MGAT4C: variants seen among roughly 807,000 people sequenced by gnomAD.
The protein encoded by MGAT4C is MGAT4 family member C.
MGAT4C carries 19 observed loss-of-function variants against 40.1 expected under a neutral mutation model. The ratio of observed to expected loss-of-function variants is 0.47; its 90% CI spans 0.33 to 0.70. MGAT4C has a LOEUF of 0.70. Among genes scored for constraint, MGAT4C ranks in the 30% least tolerant of loss-of-function variants. MGAT4C has a pLI of 0.02. For synonymous variants in MGAT4C, 181 were observed against 187.1 expected (o/e 0.97, Z 0.27); for missense variants, 491 against 563.2 (o/e 0.87, Z 1.30).
chr12:86,460,832 A>T (rs1027020263), intron 2 of MGAT4C, among the ~76,000 whole-genome samples: 10 of 152,210 alleles, frequency 6.6e-5, no homozygotes, highest in African/African-American at 2.4e-4. Context: ...CATTTAAAAA[A>T]ATTAATACTA....
At chr12:86,160,218 G>T (rs959585203) in intron 1 of MGAT4C, among the ~76,000 whole-genome samples, 1 of 151,756 alleles carries the variant, frequency 6.6e-6, no homozygotes, top group African/African-American at 2.4e-5. Flanking sequence ...GCATCCAAGA[G>T]ATTTTGGTGA....
chr12:86,042,710 T>C (rs1891980059), intron 2 of MGAT4C, among the ~76,000 whole-genome samples: 2 of 151,100 alleles, frequency 1.3e-5, no homozygotes, highest in South Asian at 2.1e-4. Flanking sequence ...CTAAAAAAAA[T>C]ACAAAAAATT....
intron 1 of MGAT4C, among the ~76,000 whole-genome samples, chr12:86,121,612 A>T (rs190029249): frequency 3.9e-5 from 6 of 152,316 alleles, no homozygotes; most frequent in Middle Eastern, 6.8e-3. Flanking sequence ...AAAGAATAGA[A>T]TTTTCAACCC....
intron 4 of MGAT4C, among the ~76,000 whole-genome samples, chr12:86,331,224 C>G (rs368029378): frequency 6.6e-6 from 1 of 152,160 alleles, no homozygotes; most frequent in African/African-American, 2.4e-5. Flanking sequence ...TGTACATTGG[C>G]ATGCTTCCAA....
intron 3 of MGAT4C, among the ~76,000 whole-genome samples, chr12:86,426,902 A>C (rs1349938062): frequency 6.6e-6 from 1 of 151,994 alleles, no homozygotes; most frequent in Non-Finnish European, 1.5e-5. Flanking sequence ...AGCTGAGATC[A>C]TGCCACTGCA....
intron 2 of MGAT4C, among the ~76,000 whole-genome samples, chr12:86,489,465 G>A (rs1460961068): frequency 6.6e-6 from 1 of 152,158 alleles, no homozygotes; most frequent in East Asian, 1.9e-4. Flanking sequence ...TCCTCTTGCT[G>A]CCAGAGGGCA....
intron 4 of MGAT4C, among the ~76,000 whole-genome samples, chr12:86,305,452 A>T (rs1953911951): frequency 6.7e-6 from 1 of 150,166 alleles, no homozygotes; most frequent in East Asian, 1.9e-4. Flanking sequence ...AGAAAAAAAA[A>T]AAAAAAGAAA....
intron 2 of MGAT4C, among the ~76,000 whole-genome samples, chr12:86,605,751 A>G (rs1962020047): frequency 6.6e-6 from 1 of 152,156 alleles, no homozygotes. Context: ...AAGCACTGGT[A>G]TTAACATAGA....
chr12:86,230,330 A>C (rs2136012601), intron 1 of MGAT4C, among the ~76,000 whole-genome samples: 1 of 152,158 alleles, frequency 6.6e-6, no homozygotes, highest in African/African-American at 2.4e-5. Flanking sequence ...AAAAATATTA[A>C]TGAACAGCCC....
At chr12:86,635,973 T>C (rs1414975250) in intron 2 of MGAT4C, among the ~76,000 whole-genome samples, 2 of 151,924 alleles carry the variant, frequency 1.3e-5, no homozygotes, top group East Asian at 3.9e-4. Context: ...TGAGCCACCA[T>C]ACCCTGTTCC....
At chr12:86,739,750 G>C (rs1951038428) in intron 1 of MGAT4C, among the ~76,000 whole-genome samples, 2 of 150,838 alleles carry the variant, frequency 1.3e-5, no homozygotes, top group Admixed American at 1.3e-4. Context: ...TATGGATTTT[G>C]TTATCTGCCT....
intron 1 of MGAT4C, among the ~76,000 whole-genome samples, chr12:86,744,659 T>A (rs1201474355): frequency 1.3e-5 from 2 of 151,580 alleles, no homozygotes; most frequent in Admixed American, 6.6e-5. Flanking sequence ...TATTCACTAT[T>A]TCAAGGTGCT....
rs901805761 is a variant in MGAT4C at position 85,996,515 on chromosome 12, C to T, written c.-6-6963G>A. 1.3e-4 allele frequency among the ~76,000 whole-genome samples: 20 copies of T among 152,062 alleles called. No homozygotes were observed. The South Asian group carries it at 1.5e-3, about 11-fold the overall frequency. ...GCATTAAATTTCAGAGTGTTTTCTT[C>T]GGCAACAATAGACAACTGATATAGC... On this transcript the variant is annotated intron_variant, in intron 2 of 4. Coordinates refer to ENST00000611864, the MANE Select transcript of MGAT4C (RefSeq NM_001351288.2).
chr12:86,037,596 A>G (rs6539937), intron 2 of MGAT4C, among the ~76,000 whole-genome samples: 58,946 of 149,180 alleles, frequency 0.4, 14,503 homozygotes, highest in African/African-American at 0.5. Context: ...GTAGTTGTGC[A>G]GTTTTGAGTG....
At chr12:86,811,336 ATTTT>A (rs553885593) in intron 1 of MGAT4C, among the ~76,000 whole-genome samples, 320 of 106,934 alleles carry the variant, frequency 3.0e-3, no homozygotes, top group African/African-American at 8.2e-3. Context: ...CACTCATAGT[ATTTT>A]TTTTTTTTTT....
intron 2 of MGAT4C, among the ~76,000 whole-genome samples, chr12:86,607,645 T>C (rs1962089122): frequency 6.6e-6 from 1 of 152,306 alleles, no homozygotes; most frequent in East Asian, 1.9e-4. Context: ...CTATACTCTC[T>C]GTTACACAAA....
At chr12:86,227,079 T>C (rs1951118000) in intron 1 of MGAT4C, among the ~76,000 whole-genome samples, 1 of 151,860 alleles carries the variant, frequency 6.6e-6, no homozygotes, top group Non-Finnish European at 1.5e-5. Context: ...TATCCAGGGG[T>C]CTTTAAAAAT....
rs112260223 is a variant in MGAT4C at position 86,837,942 on chromosome 12, A to G, written c.-262+724T>C. 6.9e-3 allele frequency among the ~76,000 whole-genome samples: 1,051 copies of G among 152,258 alleles called. 7 individuals are homozygous for G. Among genetic ancestry groups the G allele is most frequent in the Non-Finnish European group, 0.012 (823 of 68,016 alleles). On this transcript the variant is annotated intron_variant, in intron 1 of 7. Transcript: ENST00000548651. ...TTTTATCGGTTCTGTTGATATTCAG[A>G]AGTTTTTCAGTTTTTAGCATTTTGC... is the stretch of plus-strand genomic sequence containing the variant.
intron 2 of MGAT4C, among the ~76,000 whole-genome samples, chr12:86,452,468 G>T (rs1046907171): frequency 7.3e-5 from 11 of 151,560 alleles, no homozygotes; most frequent in Non-Finnish European, 1.3e-4. Flanking sequence ...TGACTGCCAG[G>T]TTCTCTGCTT....
Sources: gnomAD v4.1 joint callset for allele counts (sites outside exome capture counted in the v4.1 genomes callset) on GRCh38, gnomAD v4.1.1 for gene constraint, MANE v1.5 for transcripts, NCBI Gene and HGNC (gene_info 2026-07-23, HGNC 2026-07-21) for gene names.